Variants in SEMA3A observed in about 807,000 individuals in gnomAD.
The protein encoded by SEMA3A is semaphorin 3A, also known as semaphorin-3A.
In SEMA3A, 29 loss-of-function variants were observed where a neutral mutation model predicts 97.9. That is an observed-to-expected ratio of 0.30 (90% CI 0.22 to 0.40). The LOEUF (loss-of-function observed/expected upper bound fraction) is 0.40, where lower values mean the gene tolerates loss of function less well. Among genes scored for constraint, SEMA3A ranks in the 10% least tolerant of loss-of-function variants. SEMA3A has a pLI of 1.00. For synonymous variants in SEMA3A, 321 were observed against 323.7 expected, an observed-to-expected ratio of 0.99 and a Z score of 0.09; for missense variants, 763 against 951.3, an observed-to-expected ratio of 0.80 and a Z score of 2.60.
intron 5 of SEMA3A, among the ~76,000 whole-genome samples, chr7:84,057,690 G>A (rs1057348003): frequency 5.9e-5 from 9 of 151,746 alleles, no homozygotes; most frequent in Admixed American, 3.3e-4. Context: ...GCTTGAACCC[G>A]GGAGACAGAG....
chr7:84,303,397 A>G (rs1215605004), intron 3 of SEMA3A, among the ~76,000 whole-genome samples: 1 of 152,150 alleles, frequency 6.6e-6, no homozygotes, highest in African/African-American at 2.4e-5. Flanking sequence ...CAGGGAAAAC[A>G]TGTTCTAGTT....
intron 6 of SEMA3A, among the ~76,000 whole-genome samples, chr7:84,043,566 T>G (rs1792226786): frequency 6.6e-6 from 1 of 152,098 alleles, no homozygotes; most frequent in African/African-American, 2.4e-5. Flanking sequence ...CACGTATGAT[T>G]GTATAGTCTA....
At chr7:83,961,860 A>G in intron 16 of SEMA3A, 34 bp from the exon 17 acceptor site, 1 of 1,493,842 alleles carries the variant, frequency 6.7e-7, no homozygotes, top group Middle Eastern at 1.7e-4. Context: ...TGTAAAATAT[A>G]CATATTTAAA....
intron 16 of SEMA3A, among the ~76,000 whole-genome samples, chr7:83,962,477 T>A (rs912038943): frequency 6.6e-6 from 1 of 152,202 alleles, no homozygotes; most frequent in Admixed American, 6.5e-5. Context: ...TTAAGACTGA[T>A]TAAAATGTCA....
rs536065693 is a variant in SEMA3A at position 84,046,597 on chromosome 7, A to ATCCTTATTGAAGGATATG, written c.548-172_548-155dup. The stretch of plus-strand genomic sequence containing the variant: ...ATCATTATGCAGTTACTTATTTTTT[A>ATCCTTATTGAAGGATATG]TCCTTATTGAAGGATATGTCCTTAT... On this transcript the variant is annotated intron_variant, in intron 5 of 16. Transcript: ENST00000265362. Among the ~76,000 whole-genome samples the ATCCTTATTGAAGGATATG allele has an allele frequency of 9.1e-3, 1,392 of 152,190 alleles. 17 individuals carry two copies. Among genetic ancestry groups the ATCCTTATTGAAGGATATG allele is most frequent in the African/African-American group, 0.032 (1,310 of 41,508 alleles).
intron 1 of SEMA3A, among the ~76,000 whole-genome samples, chr7:84,459,633 T>A (rs1805773232): frequency 6.6e-6 from 1 of 152,222 alleles, no homozygotes; most frequent in South Asian, 2.1e-4. Flanking sequence ...GCCTAAAAAG[T>A]GATTTTTGCA....
intron 2 of SEMA3A, among the ~76,000 whole-genome samples, chr7:84,353,215 C>T (rs1417822490): frequency 6.6e-6 from 1 of 151,528 alleles, no homozygotes; most frequent in East Asian, 1.9e-4. Flanking sequence ...CAGACATAAC[C>T]ATCCAATTTT....
chr7:84,483,980 G>T (rs949819982), intron 1 of SEMA3A, among the ~76,000 whole-genome samples: 2 of 151,850 alleles, frequency 1.3e-5, no homozygotes, highest in Non-Finnish European at 2.9e-5. Context: ...GGAGGCGGAG[G>T]TTGCAGCGAG....
At chr7:84,019,995 TTC>T (rs1286101550) in intron 6 of SEMA3A, among the ~76,000 whole-genome samples, 1 of 151,334 alleles carries the variant, frequency 6.6e-6, no homozygotes, top group Non-Finnish European at 1.5e-5. Context: ...CACCTAGTGT[TTC>T]TTTCACTATT....
At chr7:84,039,755 T>A (rs377761128) in intron 6 of SEMA3A, among the ~76,000 whole-genome samples, 1 of 152,100 alleles carries the variant, frequency 6.6e-6, no homozygotes, top group Admixed American at 6.6e-5. Flanking sequence ...TGGCTTAAAG[T>A]GTTATGCAAC....
intron 3 of SEMA3A, among the ~76,000 whole-genome samples, chr7:84,276,200 T>TAG (rs1800290004): frequency 2.0e-5 from 3 of 152,090 alleles, no homozygotes; most frequent in African/African-American, 7.2e-5. Flanking sequence ...GCAAAACTAG[T>TAG]AGGCACTGTA....
At chr7:84,333,800 T>C (rs887242913) in intron 2 of SEMA3A, among the ~76,000 whole-genome samples, 1 of 152,200 alleles carries the variant, frequency 6.6e-6, no homozygotes, top group Non-Finnish European at 1.5e-5. Context: ...TCTGTTATAA[T>C]TTAAATGAAT....
At chr7:84,016,852 G>A (rs951796136) in intron 6 of SEMA3A, among the ~76,000 whole-genome samples, 2 of 152,126 alleles carry the variant, frequency 1.3e-5, no homozygotes, top group Non-Finnish European at 2.9e-5. Context: ...TAAGTTTGAG[G>A]ATATTATAAT....
intron 4 of SEMA3A, among the ~76,000 whole-genome samples, chr7:84,075,128 G>C (rs772217865): frequency 2.0e-5 from 3 of 151,370 alleles, no homozygotes; most frequent in Admixed American, 6.6e-5. Flanking sequence ...TTTATCTACA[G>C]ACTGAATCTA....
intron 3 of SEMA3A, among the ~76,000 whole-genome samples, chr7:84,296,233 G>T (rs1249876500): frequency 6.6e-6 from 1 of 152,088 alleles, no homozygotes; most frequent in Non-Finnish European, 1.5e-5. Context: ...ATGAAGGTTT[G>T]TATAGCGTTA....
intron 1 of SEMA3A, among the ~76,000 whole-genome samples, chr7:84,378,394 T>G (rs564444093): frequency 6.6e-6 from 1 of 152,108 alleles, no homozygotes; most frequent in African/African-American, 2.4e-5. Context: ...AAAGAATGAG[T>G]TAATGTCCTT....
At chr7:84,034,906 C>T (rs1397784718) in intron 6 of SEMA3A, among the ~76,000 whole-genome samples, 2 of 152,026 alleles carry the variant, frequency 1.3e-5, no homozygotes, top group Admixed American at 6.6e-5. Context: ...TGAATAAGCA[C>T]GTTTCCTCTC....
chr7:84,141,502 G>A (rs1328984190), intron 1 of SEMA3A, among the ~76,000 whole-genome samples: 1 of 152,056 alleles, frequency 6.6e-6, no homozygotes, highest in Non-Finnish European at 1.5e-5. Flanking sequence ...TACTTGTATA[G>A]ACTTTTCTTT....
intron 6 of SEMA3A, among the ~76,000 whole-genome samples, chr7:84,022,601 T>C (rs1791369824): frequency 6.6e-6 from 1 of 152,190 alleles, no homozygotes; most frequent in Non-Finnish European, 1.5e-5. Flanking sequence ...TAAGAAAATA[T>C]TTTTGAAATT....
Sources: allele counts gnomAD v4.1 joint callset (sites outside exome capture counted in the v4.1 genomes callset), GRCh38; gene constraint gnomAD v4.1.1; transcripts MANE v1.5; gene names NCBI Gene and HGNC (gene_info 2026-07-23, HGNC 2026-07-21).